PIEZO2: variants seen among roughly 807,000 people sequenced by gnomAD.
The protein encoded by PIEZO2 is piezo-type mechanosensitive ion channel component 2.
A neutral mutation model predicts 337.3 loss-of-function variants in PIEZO2; 172 were observed. The ratio of observed to expected loss-of-function variants is 0.51; its 90% CI spans 0.45 to 0.58. The LOEUF (loss-of-function observed/expected upper bound fraction) is 0.58. Among genes scored for constraint, PIEZO2 ranks in the 20% least tolerant of loss-of-function variants. The probability of loss-of-function intolerance (pLI) is 0.00; values close to 1 mark genes in which losing one functional copy is unlikely to be tolerated. For missense variants in PIEZO2, 3,028 were observed against 3,391.3 expected (o/e 0.89, Z 2.66); for synonymous variants, 1,251 against 1,228.5 (o/e 1.02, Z -0.38).
In PIEZO2 at chr18:10,704,535, G is replaced by A; in HGVS notation, c.6117C>T (p.Cys2039=). ...NTLVARSEMV[C]YFVIILNHMV... ...TGTGGTTGAGGATGATCACGAAGTA[G>A]CACACCATCTCCGAGCGGGCCACCA... is the stretch of plus-strand genomic sequence containing the variant. The change falls in exon 42 of 56, where the codon TGC becomes TGT. Residue 2039 remains cysteine, a synonymous_variant. Coordinates refer to ENST00000674853, the MANE Select transcript of PIEZO2 (RefSeq NM_001378183.1). 1 of 1,537,248 alleles carries A rather than the reference G, an allele frequency of 6.5e-7. No individual in the cohort carries two copies. Among genetic ancestry groups the A allele is most frequent in the South Asian group, 1.2e-5 (1 of 84,062 alleles).
intron 2 of PIEZO2, among the ~76,000 whole-genome samples, chr18:11,014,779 G>T (rs954240484): frequency 7.3e-6 from 1 of 137,244 alleles, no homozygotes; most frequent in Non-Finnish European, 1.6e-5. Flanking sequence ...TCATTCCTCA[G>T]TGGGGAACAT....
chr18:11,124,860 A>C (rs2040137428), intron 1 of PIEZO2, among the ~76,000 whole-genome samples: 1 of 152,212 alleles, frequency 6.6e-6, no homozygotes, highest in African/African-American at 2.4e-5. Flanking sequence ...ACCTTAGATC[A>C]TTCTGGCAGA....
rs767815669 is a variant in PIEZO2 at position 10,962,269 on chromosome 18, C to G, written c.286+17266G>C. On this transcript the variant is annotated intron_variant, in intron 3 of 55. Coordinates refer to ENST00000674853, the MANE Select transcript of PIEZO2 (RefSeq NM_001378183.1). This position sits in a 1 kb window ranked among gnomAD's most constrained non-coding sequence, Gnocchi z 4.1. Reference sequence around the variant, plus strand: ...CAACAGGTTAAATACGCAATCGTAGCCCTTCTCCCATCCATTCTGCATCTC... The same window carrying G: ...CAACAGGTTAAATACGCAATCGTAGGCCTTCTCCCATCCATTCTGCATCTC... Among the ~76,000 whole-genome samples, 1 of 152,168 alleles carries G rather than the reference C, an allele frequency of 6.6e-6. No individual in the cohort carries two copies. The highest frequency in any genetic ancestry group is 1.5e-5 in the Non-Finnish European group (1 of 68,028).
intron 12 of PIEZO2, among the ~76,000 whole-genome samples, chr18:10,796,525 C>T (rs2039604914): frequency 6.6e-6 from 1 of 152,136 alleles, no homozygotes; most frequent in Non-Finnish European, 1.5e-5. Context: ...CTAATATGTC[C>T]TCTCAAATTG....
rs1205641143 is a variant in PIEZO2 at position 10,853,752 on chromosome 18, T to C, written c.917+1601A>G. 6.6e-6 allele frequency among the ~76,000 whole-genome samples: 1 copy of C among 152,228 alleles called. No homozygotes were observed. Among genetic ancestry groups the C allele is most frequent in the Non-Finnish European group, 1.5e-5 (1 of 68,038 alleles). On this transcript the variant is annotated intron_variant, in intron 7 of 55. Coordinates refer to ENST00000674853, the MANE Select transcript of PIEZO2 (RefSeq NM_001378183.1). The surrounding 1 kb of genome is among the most constrained non-coding windows in gnomAD (Gnocchi z 4.2). ...ATCTATCAATCTATTATGTTGGTTGTTAAGCCATTTTTAAGTTGCAGACAT... is the reference window on the plus strand; with the variant it reads ...ATCTATCAATCTATTATGTTGGTTGCTAAGCCATTTTTAAGTTGCAGACAT...
chr18:10,985,588 G>T (rs1179516410), intron 2 of PIEZO2, among the ~76,000 whole-genome samples: 1 of 151,974 alleles, frequency 6.6e-6, no homozygotes, highest in African/African-American at 2.4e-5. Flanking sequence ...AATTACTATA[G>T]CTTCGTAATA....
chr18:10,715,748 T>C lies in PIEZO2; in HGVS notation c.5158A>G (p.Ser1720Gly), dbSNP rs2035985383. Residue 1720 changes from serine to glycine, a missense_variant, in exon 38 of 56, where the codon AGT (serine) becomes GGT (glycine). Coordinates refer to ENST00000674853, the MANE Select transcript of PIEZO2 (RefSeq NM_001378183.1). Reference protein sequence around the residue: ...TWVLFLATVDSFTTWLNSISR... With the variant: ...TWVLFLATVDGFTTWLNSISR... ...ATGGAGTTAAGCCAAGTAGTGAAAC[T>C]GTCCACTGTTGCCAGAAATAGGACC... 1 of 1,535,126 alleles carries C rather than the reference T, an allele frequency of 6.5e-7. No homozygotes were observed. The highest frequency in any genetic ancestry group is 1.2e-5 in the South Asian group (1 of 83,966).
Position 10,824,597 on chromosome 18 carries a change from T to C in PIEZO2, c.918-17323A>G, listed in dbSNP as rs988988214. On this transcript the variant is annotated intron_variant, in intron 7 of 55. Transcript: ENST00000674853. The surrounding 1 kb of genome is among the most constrained non-coding windows in gnomAD (Gnocchi z 4.4). ...GCATCCATTTAAAATAATAAAAAAA[T>C]CCATCTATCTATATATCCATATCTA... is the stretch of plus-strand genomic sequence containing the variant. 2.0e-5 allele frequency among the ~76,000 whole-genome samples: 3 copies of C among 152,124 alleles called. No individual in the cohort carries two copies. The highest frequency in any genetic ancestry group is 6.5e-5 in the Admixed American group (1 of 15,276).
Position 10,673,848 on chromosome 18 carries a change from A to T in PIEZO2, c.8162-975T>A, listed in dbSNP as rs2033882122. ...TGGGTTCGCTGGGCCACATTGGAAGAAGAAGAATTGTCTTGGGTCACCCAG... is the reference window on the plus strand; with the variant it reads ...TGGGTTCGCTGGGCCACATTGGAAGTAGAAGAATTGTCTTGGGTCACCCAG... On this transcript the variant is annotated intron_variant, in intron 54 of 55. Transcript: ENST00000674853. The surrounding 1 kb of genome is among the most constrained non-coding windows in gnomAD (Gnocchi z 4.8). Among the ~76,000 whole-genome samples, 1 of 152,200 alleles carries T rather than the reference A, an allele frequency of 6.6e-6. No individual in the cohort carries two copies. Among genetic ancestry groups the T allele is most frequent in the Admixed American group, 6.5e-5 (1 of 15,272 alleles).
At chr18:10,950,132 G>A (rs2033225866) in intron 3 of PIEZO2, among the ~76,000 whole-genome samples, 1 of 152,096 alleles carries the variant, frequency 6.6e-6, no homozygotes, top group Non-Finnish European at 1.5e-5. Context: ...TTTTAATGAG[G>A]GTTAATATTG....
At chr18:10,912,508 T>TC (rs1362671852) in intron 3 of PIEZO2, among the ~76,000 whole-genome samples, 2 of 152,162 alleles carry the variant, frequency 1.3e-5, no homozygotes, top group Non-Finnish European at 2.9e-5. Context: ...GTTACTTCTG[T>TC]CAATAGGAAA....
rs774730574 is a variant in PIEZO2 at position 10,807,199 on chromosome 18, C to T, written c.993G>A (p.Ser331=). The change falls in exon 8 of 56, where the codon TCG becomes TCA. Residue 331 remains serine, a synonymous_variant. Transcript: ENST00000674853. ...GGATAGGGTTGGCGTGGTGGTACCA[C>T]GACAGGTCCGGGTTCACTATGATCT... The part of the protein sequence containing the change: ...TWKIIVNPDL[S]WYHHANPILL... 1.0e-4 allele frequency: 157 copies of T among 1,537,188 alleles called. No individual in the cohort carries two copies. The East Asian group carries it at 3.2e-3, about 31-fold the overall frequency.
At chr18:11,075,219 G>T (rs2038487394) in intron 1 of PIEZO2, among the ~76,000 whole-genome samples, 1 of 152,076 alleles carries the variant, frequency 6.6e-6, no homozygotes, top group African/African-American at 2.4e-5. Flanking sequence ...CTTTCTGTAC[G>T]CTGAAGCAAT....
Position 10,952,839 on chromosome 18 carries a change from T to C in PIEZO2, c.286+26696A>G, listed in dbSNP as rs1044967095. On this transcript the variant is annotated intron_variant, in intron 3 of 55. Coordinates refer to ENST00000674853, the MANE Select transcript of PIEZO2 (RefSeq NM_001378183.1). This position sits in a 1 kb window ranked among gnomAD's most constrained non-coding sequence, Gnocchi z 4.1. ...GAATTCCAAGTGTTCTACATCTCCATATTTCCTCAGCATTTGGAATGCCTT... is the reference window on the plus strand; with the variant it reads ...GAATTCCAAGTGTTCTACATCTCCACATTTCCTCAGCATTTGGAATGCCTT... Among the ~76,000 whole-genome samples, 2 of 152,116 alleles carry C rather than the reference T, an allele frequency of 1.3e-5. No homozygotes were observed. The highest frequency in any genetic ancestry group is 4.8e-5 in the African/African-American group (2 of 41,426).
At chr18:11,074,194 G>A (rs1195577014) in intron 1 of PIEZO2, among the ~76,000 whole-genome samples, 2 of 152,052 alleles carry the variant, frequency 1.3e-5, no homozygotes, top group South Asian at 2.1e-4. Context: ...TCAAGATCTG[G>A]AGACATTTAA....
chr18:11,034,857 A>G (rs1325416238), intron 2 of PIEZO2, among the ~76,000 whole-genome samples: 2 of 152,128 alleles, frequency 1.3e-5, no homozygotes, highest in African/African-American at 4.8e-5. Flanking sequence ...ACAAAAACAA[A>G]CAAACAAACA....
Position 10,759,871 on chromosome 18 carries a change from T to C in PIEZO2, c.3489A>G (p.Arg1163=), listed in dbSNP as rs1057005815. The change falls in exon 25 of 56, where the codon CGA becomes CGG. Residue 1163 remains arginine, a synonymous_variant. Transcript: ENST00000674853. The surrounding 1 kb of genome is among the most constrained non-coding windows in gnomAD (Gnocchi z 5.5). ...CGTGGATCATGGCATAGAAATCCAT[T>C]CGCTGGCCAATGACGTTAACTGACA... The part of the protein sequence containing the change: ...FLMSVNVIGQ[R]MDFYAMIHAC... 1 of 1,537,458 alleles carries C rather than the reference T, an allele frequency of 6.5e-7. No homozygotes were observed.
intron 42 of PIEZO2, among the ~76,000 whole-genome samples, chr18:10,703,614 T>G (rs1420499061): frequency 6.6e-6 from 1 of 152,046 alleles, no homozygotes; most frequent in Non-Finnish European, 1.5e-5. Flanking sequence ...GGGAAGAAAA[T>G]CAGTCTCTTC....
Position 10,767,970 on chromosome 18 carries a change from C to G in PIEZO2, c.2946+2178G>C, listed in dbSNP as rs1390011298. Among the ~76,000 whole-genome samples the G allele has an allele frequency of 6.6e-6, 1 of 152,234 alleles. No individual in the cohort carries two copies. Among genetic ancestry groups the G allele is most frequent in the Non-Finnish European group, 1.5e-5 (1 of 68,040 alleles). On this transcript the variant is annotated intron_variant, in intron 21 of 55. Transcript: ENST00000674853. The surrounding 1 kb of genome is among the most constrained non-coding windows in gnomAD (Gnocchi z 4.2). Reference sequence around the variant, plus strand: ...GATGGCACAGGCCAAGTCACAACATCCCCATCCCAGGGGGCCTTGCCCTGA... The same window carrying G: ...GATGGCACAGGCCAAGTCACAACATGCCCATCCCAGGGGGCCTTGCCCTGA...
Sources: allele counts gnomAD v4.1 joint callset (sites outside exome capture counted in the v4.1 genomes callset), GRCh38; gene constraint gnomAD v4.1.1; non-coding constraint Gnocchi (gnomAD v3.1); transcripts MANE v1.5; gene names NCBI Gene and HGNC (gene_info 2026-07-23, HGNC 2026-07-21).